Variants in PITPNC1 observed in about 807,000 individuals in gnomAD.
The protein encoded by PITPNC1 is phosphatidylinositol transfer protein cytoplasmic 1.
In PITPNC1, 18 loss-of-function variants were observed where a neutral mutation model predicts 44.7. The observed-to-expected ratio is 0.40, with a 90% CI of 0.28 to 0.60. The LOEUF is 0.60. Among genes scored for constraint, PITPNC1 ranks in the 20% least tolerant of loss-of-function variants. PITPNC1 has a pLI of 0.39. For missense variants in PITPNC1, 290 were observed against 418.4 expected, an observed-to-expected ratio of 0.69 and a Z score of 2.68; for synonymous variants, 141 against 149.6, an observed-to-expected ratio of 0.94 and a Z score of 0.42.
At chr17:67,520,355 TC>T (rs2040309670) in intron 1 of PITPNC1, among the ~76,000 whole-genome samples, 1 of 152,190 alleles carries the variant, frequency 6.6e-6, no homozygotes, top group Non-Finnish European at 1.5e-5. Context: ...CTCTTTTTGG[TC>T]TTGTGATTGA....
intron 1 of PITPNC1, among the ~76,000 whole-genome samples, chr17:67,428,538 G>GAA (rs1218683922): frequency 6.7e-5 from 6 of 89,608 alleles, no homozygotes; most frequent in African/African-American, 2.1e-4. Context: ...ATCTCAAAAA[G>GAA]AAAAAAAAAA....
intron 1 of PITPNC1, chr17:67,525,394 T>C (rs1330853751): frequency 6.6e-6 from 1 of 152,256 alleles, no homozygotes; most frequent in Non-Finnish European, 1.5e-5. Flanking sequence ...AGCCATAGAA[T>C]GAATGAGCAT....
intron 1 of PITPNC1, among the ~76,000 whole-genome samples, chr17:67,381,613 C>T (rs1257936714): frequency 6.6e-6 from 1 of 151,924 alleles, no homozygotes; most frequent in African/African-American, 2.4e-5. Flanking sequence ...ACTACAGGCG[C>T]CAGCCACCGC....
rs771258752 is a variant in PITPNC1 at position 67,583,865 on chromosome 17, T to TTGTG, written c.366+5636_366+5639dup. On this transcript the variant is annotated intron_variant, in intron 5 of 8. Transcript: ENST00000581322. ...CGCCCGCCACCACGCCTGGCTAATTTTGTGTGTGTGTGTGTGTGTGTGTGT... is the reference window on the plus strand; with the variant it reads ...CGCCCGCCACCACGCCTGGCTAATTTTGTGTGTGTGTGTGTGTGTGTGTGTGTGT... 5.6e-3 allele frequency among the ~76,000 whole-genome samples: 664 copies of TTGTG among 118,442 alleles called. 5 individuals carry two copies. The highest frequency in any genetic ancestry group is 7.2e-3 in the Non-Finnish European group (399 of 55,200). 77.7% of individuals were successfully genotyped at this position (118,442 alleles called of 152,430 possible). A position where few individuals can be genotyped will look rare whatever the true frequency, so the allele number is the denominator to read the frequency against.
rs144323501 is a variant in PITPNC1, at chr17:67,511,305, A to C, written c.49-21497A>C. Reference sequence around the variant, plus strand: ...TATTGCATATAATGTAGACATGAATAATCTTAAGCACATAAATCTTTGCAC... The same window carrying C: ...TATTGCATATAATGTAGACATGAATCATCTTAAGCACATAAATCTTTGCAC... On this transcript the variant is annotated intron_variant, in intron 1 of 8. Coordinates refer to ENST00000581322, the MANE Select transcript of PITPNC1 (RefSeq NM_012417.4). 1.2e-3 allele frequency among the ~76,000 whole-genome samples: 178 copies of C among 152,332 alleles called. 1 individual carries two copies. The East Asian group carries it at 0.031, about 26-fold the overall frequency.
At chr17:67,678,982 A>C (rs1306870614) in intron 8 of PITPNC1, among the ~76,000 whole-genome samples, 1 of 152,196 alleles carries the variant, frequency 6.6e-6, no homozygotes, top group Non-Finnish European at 1.5e-5. Flanking sequence ...ACTTGTTAGA[A>C]ATGCATATTC....
chr17:67,393,853 G>A (rs1390831826), intron 1 of PITPNC1, among the ~76,000 whole-genome samples: 2 of 151,990 alleles, frequency 1.3e-5, no homozygotes, highest in African/African-American at 4.8e-5. Flanking sequence ...TTATTTTTTG[G>A]GATTTTAGAA....
In PITPNC1 at chr17:67,562,295, G is replaced by A. The variant is rs1310097010; in HGVS notation, c.294+8678G>A. Among the ~76,000 whole-genome samples the A allele has an allele frequency of 5.9e-5, 9 of 152,174 alleles. No homozygotes were observed. In the East Asian group the frequency reaches 7.7e-4, roughly 13 times the overall value. ...CTGGTGAGGAGCAGCGGAGAGGCCC[G>A]CGTGCATTTCCATGCTGTAGCTGGA... On this transcript the variant is annotated intron_variant, in intron 4 of 8. Transcript: ENST00000581322.
intron 7 of PITPNC1, among the ~76,000 whole-genome samples, chr17:67,670,187 C>CT (rs1160877208): frequency 6.6e-6 from 1 of 152,188 alleles, no homozygotes; most frequent in African/African-American, 2.4e-5. Context: ...TATGCCCCAT[C>CT]TCTCATTCTG....
chr17:67,491,368 T>C (rs1432866341), intron 1 of PITPNC1, among the ~76,000 whole-genome samples: 1 of 152,208 alleles, frequency 6.6e-6, no homozygotes, highest in African/African-American at 2.4e-5. Context: ...TAAGAAATGC[T>C]TTCTGGGTCA....
chr17:67,538,280 G>A (rs1487532834), intron 2 of PITPNC1, among the ~76,000 whole-genome samples: 1 of 152,096 alleles, frequency 6.6e-6, no homozygotes, highest in East Asian at 1.9e-4. Flanking sequence ...AGAATGACTA[G>A]AGCCCTCCTT....
chr17:67,519,391 G>C, intron 1 of PITPNC1, among the ~76,000 whole-genome samples: 1 of 152,074 alleles, frequency 6.6e-6, no homozygotes, highest in East Asian at 1.9e-4. Context: ...TGGCCAGGCT[G>C]TTCTCGAACT....
chr17:67,531,332 C>T (rs779193492), intron 1 of PITPNC1, among the ~76,000 whole-genome samples: 29 of 152,226 alleles, frequency 1.9e-4, no homozygotes, highest in Non-Finnish European at 3.1e-4. Flanking sequence ...CCTGCAAGCA[C>T]AGGTGCACAC....
intron 1 of PITPNC1, among the ~76,000 whole-genome samples, chr17:67,488,426 G>A (rs2039814442): frequency 6.6e-6 from 1 of 152,200 alleles, no homozygotes; most frequent in Non-Finnish European, 1.5e-5. Context: ...AGTCAATCCT[G>A]CAGAACAGAG....
In PITPNC1 at chr17:67,669,579, G is replaced by A; in HGVS notation, c.534G>A (p.Gln178=). 1 of 1,608,718 alleles carries A rather than the reference G, an allele frequency of 6.2e-7. No individual in the cohort carries two copies. The highest frequency in any genetic ancestry group is 1.7e-5 in the Admixed American group (1 of 59,458). The change falls in exon 7 of 9, where the codon CAG becomes CAA. Residue 178 remains glutamine (Q), a synonymous_variant. Coordinates refer to ENST00000581322, the MANE Select transcript of PITPNC1 (RefSeq NM_012417.4). The stretch of plus-strand genomic sequence containing the variant: ...GGGAAGGCTGGAGAGATAGTCATCA[G>A]CCTATCATGTGCTCCTACAAGCTGG... The part of the protein sequence containing the change: ...QLREGWRDSH[Q]PIMCSYKLVT...
intron 1 of PITPNC1, among the ~76,000 whole-genome samples, chr17:67,461,689 G>C (rs895910095): frequency 8.5e-5 from 13 of 152,316 alleles, no homozygotes; most frequent in Middle Eastern, 6.8e-3. Context: ...AACTTTGGGA[G>C]GCCAAGAGGA....
intron 1 of PITPNC1, among the ~76,000 whole-genome samples, chr17:67,455,166 C>CT (rs1216052088): frequency 2.6e-5 from 4 of 152,202 alleles, no homozygotes; most frequent in African/African-American, 9.6e-5. Flanking sequence ...ATGCATACTG[C>CT]TTTGTATCTT....
At chr17:67,623,153 T>A (rs2041855170) in intron 5 of PITPNC1, among the ~76,000 whole-genome samples, 1 of 144,926 alleles carries the variant, frequency 6.9e-6, no homozygotes, top group South Asian at 2.2e-4. Flanking sequence ...AGAGGATCAG[T>A]GGTTTGGCTA....
chr17:67,400,011 G>A (rs758033449), intron 1 of PITPNC1, among the ~76,000 whole-genome samples: 2 of 152,166 alleles, frequency 1.3e-5, no homozygotes, highest in African/African-American at 4.8e-5. Context: ...CATGCAATAC[G>A]GAGCCTACTC....
Sources: gnomAD v4.1 joint callset for allele counts (sites outside exome capture counted in the v4.1 genomes callset) on GRCh38, gnomAD v4.1.1 for gene constraint, MANE v1.5 for transcripts, NCBI Gene and HGNC (gene_info 2026-07-23, HGNC 2026-07-21) for gene names.